The following C1orf87 variants were observed in gnomAD, a reference collection of about 807,000 sequenced individuals.
C1orf87 encodes the protein chromosome 1 open reading frame 87, also known as uncharacterized protein C1orf87.
A neutral mutation model predicts 60.5 loss-of-function variants in C1orf87; 58 were observed. The ratio of observed to expected loss-of-function variants is 0.96; its 90% CI spans 0.78 to 1.19. C1orf87 has a LOEUF of 1.19. C1orf87 is among the 50% of genes most tolerant of loss of function. The probability of loss-of-function intolerance (pLI) is 0.00; values close to 1 mark genes in which losing one functional copy is unlikely to be tolerated. For missense variants in C1orf87, 673 were observed against 638.6 expected (o/e 1.05, Z -0.58); for synonymous variants, 236 against 227.4 (o/e 1.04, Z -0.34).
At chr1:60,035,386 G>A (rs1645268509) in intron 6 of C1orf87, among the ~76,000 whole-genome samples, 1 of 152,164 alleles carries the variant, frequency 6.6e-6, no homozygotes, top group Non-Finnish European at 1.5e-5. Context: ...TTCTTAGAAG[G>A]CCTGTTGCAG....
intron 3 of C1orf87, among the ~76,000 whole-genome samples, chr1:60,041,537 T>G (rs899086677): frequency 6.6e-6 from 1 of 152,102 alleles, no homozygotes; most frequent in African/African-American, 2.4e-5. Context: ...TGACAAGAGA[T>G]TAAAAAGCTC....
At chr1:60,017,570 A>AAC (rs1645132566) in intron 8 of C1orf87, among the ~76,000 whole-genome samples, 1 of 152,178 alleles carries the variant, frequency 6.6e-6, no homozygotes, top group African/African-American at 2.4e-5. Context: ...TAATTTTGCC[A>AAC]ATACAATTTT....
chr1:60,025,268 G>A, intron 8 of C1orf87, 133 bp downstream of exon 8: 1 of 621,492 alleles, frequency 1.6e-6, no homozygotes. Context: ...TCACCTTTAT[G>A]ACATCATCTA....
chr1:60,055,571 C>A (rs1574325140), intron 2 of C1orf87, 133 bp from the exon 3 acceptor site: 1 of 695,730 alleles, frequency 1.4e-6, no homozygotes, highest in East Asian at 2.7e-5. Context: ...GAAGCATAAA[C>A]ATTGGTTATT....
At chr1:60,062,643 G>T (rs74737188) in intron 2 of C1orf87, among the ~76,000 whole-genome samples, 369 of 152,054 alleles carry the variant, frequency 2.4e-3, no homozygotes, top group African/African-American at 8.0e-3. Context: ...TCCTGTCTAG[G>T]TCTATTGCCA....
chr1:60,016,315 A>G (rs1453515637), intron 8 of C1orf87, among the ~76,000 whole-genome samples: 1 of 152,194 alleles, frequency 6.6e-6, no homozygotes, highest in East Asian at 1.9e-4. Context: ...ATCTAGCCCC[A>G]TACCTGGATG....
chr1:60,027,478 A>G (rs1490667766), intron 7 of C1orf87, among the ~76,000 whole-genome samples: 2 of 152,262 alleles, frequency 1.3e-5, no homozygotes, highest in African/African-American at 4.8e-5. Context: ...CTGGCCCCGC[A>G]TGGTGTGGCG....
chr1:60,016,662 A>G (rs1645126756), intron 8 of C1orf87, among the ~76,000 whole-genome samples: 1 of 152,200 alleles, frequency 6.6e-6, no homozygotes, highest in Non-Finnish European at 1.5e-5. Context: ...GCTAGGACTC[A>G]TGCTGGGTTT....
intron 11 of C1orf87, 80 bp from the exon 12 acceptor site, chr1:59,990,913 G>T (rs1644917608): frequency 7.2e-7 from 1 of 1,393,450 alleles, no homozygotes. Flanking sequence ...TAGCTTGAAT[G>T]ACTTCCAGGT....
intron 7 of C1orf87, among the ~76,000 whole-genome samples, chr1:60,032,267 T>A (rs1223293704): frequency 1.3e-5 from 2 of 152,144 alleles, no homozygotes; most frequent in Admixed American, 1.3e-4. Context: ...TCTGGAATTC[T>A]AACTCTTGTA....
At chr1:60,020,125 C>T (rs1211031133) in intron 8 of C1orf87, among the ~76,000 whole-genome samples, 1 of 152,134 alleles carries the variant, frequency 6.6e-6, no homozygotes, top group Non-Finnish European at 1.5e-5. Context: ...GCAGCTCCTC[C>T]CATCACAGGC....
chr1:60,043,118 T>G (rs1236554008), intron 3 of C1orf87, among the ~76,000 whole-genome samples: 1 of 152,168 alleles, frequency 6.6e-6, no homozygotes, highest in Non-Finnish European at 1.5e-5. Flanking sequence ...AGATGATGCT[T>G]TCAGAGCATA....
chr1:59,991,396 T>G (rs1274914462), intron 11 of C1orf87, among the ~76,000 whole-genome samples: 1 of 152,250 alleles, frequency 6.6e-6, no homozygotes, highest in Non-Finnish European at 1.5e-5. Context: ...AGTATTTGCA[T>G]GTAACCTATA....
chr1:60,025,352 G>A (rs762309810), intron 8 of C1orf87, 49 bp downstream of exon 8: 19 of 1,397,946 alleles, frequency 1.4e-5, no homozygotes, highest in Middle Eastern at 3.5e-4. Flanking sequence ...ATCATTTGGG[G>A]AAGGGGTGGT....
chr1:60,033,497 A>C lies in C1orf87; in HGVS notation c.1008T>G (p.Ser336=), dbSNP rs1194032004. 6.2e-6 allele frequency: 10 copies of C among 1,613,978 alleles called. No individual in the cohort carries two copies. Among genetic ancestry groups the C allele is most frequent in the Non-Finnish European group, 8.5e-6 (10 of 1,179,902 alleles). The change falls in exon 7 of 12, where the codon TCT becomes TCG. Residue 336 remains serine (S), a synonymous_variant. Coordinates refer to ENST00000371201, the MANE Select transcript of C1orf87 (RefSeq NM_152377.3). ...LSFRKEDRSF[S]GCLPLPKVRA... is the part of the protein sequence containing the mutation. ...TTACCTTAGGTAGAGGGAGGCAGCC[A>C]GAGAACGAGCGATCTTCTTTTCGAA...
chr1:60,006,937 G>T (rs1315958438), intron 9 of C1orf87, among the ~76,000 whole-genome samples: 2 of 150,694 alleles, frequency 1.3e-5, no homozygotes, highest in Non-Finnish European at 3.0e-5. Context: ...TTTCTGACAG[G>T]GTCTCACTCT....
chr1:60,070,850 A>G (rs1436172728), intron 2 of C1orf87, among the ~76,000 whole-genome samples: 2 of 152,194 alleles, frequency 1.3e-5, no homozygotes, highest in Non-Finnish European at 2.9e-5. Context: ...CTATTTTAAA[A>G]ATTAAATACT....
chr1:60,047,218 G>GTT (rs1333230886), intron 3 of C1orf87, among the ~76,000 whole-genome samples: 1 of 151,746 alleles, frequency 6.6e-6, no homozygotes, highest in Non-Finnish European at 1.5e-5. Context: ...ATGCTTGGTT[G>GTT]TTTTATTTAC....
intron 2 of C1orf87, among the ~76,000 whole-genome samples, chr1:60,059,911 A>G (rs1645482820): frequency 1.3e-5 from 2 of 152,214 alleles, no homozygotes; most frequent in African/African-American, 4.8e-5. Flanking sequence ...GTAATAAGAG[A>G]TAATCAAGAC....
Sources: gnomAD v4.1 joint callset for allele counts (sites outside exome capture counted in the v4.1 genomes callset) on GRCh38, gnomAD v4.1.1 for gene constraint, MANE v1.5 for transcripts, NCBI Gene and HGNC (gene_info 2026-07-23, HGNC 2026-07-21) for gene names.